The following PKNOX2 variants were observed in gnomAD, a reference collection of about 807,000 sequenced individuals.
The protein encoded by PKNOX2 is PBX/knotted 1 homeobox 2, also known as homeobox protein PKNOX2.
Under a neutral mutation model 53.1 loss-of-function variants are expected in PKNOX2, and 14 were observed. That is an observed-to-expected ratio of 0.26 (90% CI 0.17 to 0.41). PKNOX2 has a LOEUF of 0.41. Among genes scored for constraint, PKNOX2 ranks in the 10% least tolerant of loss-of-function variants. PKNOX2 has a pLI of 1.00. For missense variants in PKNOX2, 496 were observed against 602.8 expected (o/e 0.82, Z 1.85); for synonymous variants, 257 against 242.8 (o/e 1.06, Z -0.54).
chr11:125,365,205 A>G, intron 4 of PKNOX2, among the ~76,000 whole-genome samples: 1 of 152,070 alleles, frequency 6.6e-6, no homozygotes, highest in Non-Finnish European at 1.5e-5. Flanking sequence ...TATTCCTCAT[A>G]CAATGAAGTA....
Position 125,244,400 on chromosome 11 carries a change from T to A in PKNOX2, c.-130+9285T>A, listed in dbSNP as rs538564488. Among the ~76,000 whole-genome samples the A allele has an allele frequency of 9.9e-5, 15 of 152,204 alleles. 1 individual carries two copies. In the South Asian group the frequency reaches 3.1e-3, roughly 32 times the overall value. On this transcript the variant is annotated intron_variant, in intron 2 of 12. Transcript: ENST00000298282. The stretch of plus-strand genomic sequence containing the variant: ...TCCACCTGGGGATGCAGACGCTGCC[T>A]CCCCTTATCCCCAACCCTTCCAGAT...
chr11:125,334,458 G>A (rs935884440), intron 3 of PKNOX2, among the ~76,000 whole-genome samples: 4 of 152,152 alleles, frequency 2.6e-5, no homozygotes, highest in East Asian at 1.9e-4. Flanking sequence ...TGGTGAACAC[G>A]TAGTTATTGG....
intron 4 of PKNOX2, among the ~76,000 whole-genome samples, chr11:125,355,309 C>G (rs1013190374): frequency 2.7e-5 from 4 of 150,664 alleles, no homozygotes; most frequent in Non-Finnish European, 4.4e-5. Context: ...AAAGAAAGTG[C>G]AAAAGCAACA....
At chr11:125,390,166 A>G (rs1591553221) in intron 6 of PKNOX2, among the ~76,000 whole-genome samples, 1 of 152,372 alleles carries the variant, frequency 6.6e-6, no homozygotes, top group East Asian at 1.9e-4. Context: ...AGCACTTACC[A>G]GGTGCCGGGT....
intron 1 of PKNOX2, among the ~76,000 whole-genome samples, chr11:125,228,012 G>A (rs1941857155): frequency 6.6e-6 from 1 of 151,966 alleles, no homozygotes; most frequent in African/African-American, 2.4e-5. Flanking sequence ...TTAGATGAGG[G>A]TTAGAACCCA....
chr11:125,378,130 T>A (rs1404153394), intron 5 of PKNOX2, among the ~76,000 whole-genome samples: 1 of 152,226 alleles, frequency 6.6e-6, no homozygotes, highest in African/African-American at 2.4e-5. Context: ...ATCCCAGTGG[T>A]GTCTGGCCTG....
At chr11:125,269,760 T>C (rs1945646667) in intron 2 of PKNOX2, among the ~76,000 whole-genome samples, 2 of 152,192 alleles carry the variant, frequency 1.3e-5, no homozygotes, top group African/African-American at 4.8e-5. Flanking sequence ...GTAGCATTCA[T>C]CCAAAAGGAT....
intron 6 of PKNOX2, among the ~76,000 whole-genome samples, chr11:125,391,058 G>A (rs912479509): frequency 6.6e-6 from 1 of 152,202 alleles, no homozygotes; most frequent in Non-Finnish European, 1.5e-5. Context: ...GTTAAGGAAT[G>A]TGTGTTTATA....
chr11:125,255,793 T>C (rs1944365846), intron 2 of PKNOX2, among the ~76,000 whole-genome samples: 4 of 151,942 alleles, frequency 2.6e-5, no homozygotes, highest in Admixed American at 2.0e-4. Context: ...CTGGAGAGAC[T>C]CTGCCCAGCA....
chr11:125,427,871 G>A (rs1255516722), intron 10 of PKNOX2, among the ~76,000 whole-genome samples: 5 of 152,154 alleles, frequency 3.3e-5, no homozygotes, highest in Non-Finnish European at 5.9e-5. Flanking sequence ...CAGGGCTGTG[G>A]CCTGAACAAG....
intron 11 of PKNOX2, among the ~76,000 whole-genome samples, chr11:125,429,361 C>T (rs1956584344): frequency 6.6e-6 from 1 of 152,202 alleles, no homozygotes; most frequent in Admixed American, 6.5e-5. Context: ...CCCACGCCCA[C>T]CTGAGCACCC....
chr11:125,237,689 C>T (rs1255981346), intron 2 of PKNOX2, among the ~76,000 whole-genome samples: 1 of 152,208 alleles, frequency 6.6e-6, no homozygotes, highest in Non-Finnish European at 1.5e-5. Context: ...GCAAGGATTC[C>T]TTCCTGGGCA....
At chr11:125,301,383 C>T (rs1948056154) in intron 2 of PKNOX2, among the ~76,000 whole-genome samples, 1 of 151,824 alleles carries the variant, frequency 6.6e-6, no homozygotes. Flanking sequence ...AGAGACAGGG[C>T]CTCCCAAGCA....
chr11:125,400,472 C>T (rs1341809696), intron 7 of PKNOX2, among the ~76,000 whole-genome samples: 1 of 152,190 alleles, frequency 6.6e-6, no homozygotes, highest in Non-Finnish European at 1.5e-5. Context: ...TGCCATGCCC[C>T]TGGGGGTGGA....
At chr11:125,196,623 C>T (rs1226666455) in intron 1 of PKNOX2, among the ~76,000 whole-genome samples, 1 of 152,184 alleles carries the variant, frequency 6.6e-6, no homozygotes, top group South Asian at 2.1e-4. Flanking sequence ...TGAAGCCAAA[C>T]CTGGGTCAAA....
At chr11:125,358,380 C>T (rs940727818) in intron 4 of PKNOX2, among the ~76,000 whole-genome samples, 34 of 152,184 alleles carry the variant, frequency 2.2e-4, no homozygotes, top group Admixed American at 2.0e-4. Context: ...ATGGGATGGG[C>T]AGGAGGCCAT....
chr11:125,298,079 C>A (rs1007697679), intron 2 of PKNOX2, among the ~76,000 whole-genome samples: 6 of 152,196 alleles, frequency 3.9e-5, no homozygotes, highest in Non-Finnish European at 7.3e-5. Context: ...GACCCAGGCA[C>A]AGTGAGGGCA....
intron 3 of PKNOX2, among the ~76,000 whole-genome samples, chr11:125,348,545 G>A (rs796425957): frequency 3.2e-4 from 48 of 152,308 alleles, no homozygotes; most frequent in African/African-American, 1.1e-3. Flanking sequence ...GCCCTGCTCC[G>A]CAGCCTGGTG....
In PKNOX2 at chr11:125,281,608, G is replaced by T. The variant is rs375731295; in HGVS notation, c.-130+46493G>T. Among the ~76,000 whole-genome samples, 23 of 152,358 alleles carry T rather than the reference G, an allele frequency of 1.5e-4. No individual in the cohort carries two copies. The East Asian group carries it at 4.2e-3, about 28-fold the overall frequency. Reference sequence around the variant, plus strand: ...GAAGATTGAATGAAATGACCTGAGAGAATGTAGCCGGATAACACAGGTGCT... The same window carrying T: ...GAAGATTGAATGAAATGACCTGAGATAATGTAGCCGGATAACACAGGTGCT... On this transcript the variant is annotated intron_variant, in intron 2 of 12. Transcript: ENST00000298282.
Sources: allele counts gnomAD v4.1 joint callset (sites outside exome capture counted in the v4.1 genomes callset), GRCh38; gene constraint gnomAD v4.1.1; transcripts MANE v1.5; gene names NCBI Gene and HGNC (gene_info 2026-07-23, HGNC 2026-07-21).